GRID2: variants seen among roughly 807,000 people sequenced by gnomAD.
The protein encoded by GRID2 is glutamate ionotropic receptor delta type subunit 2.
In GRID2, 33 loss-of-function variants were observed where a neutral mutation model predicts 114.8. The ratio of observed to expected loss-of-function variants is 0.29; its 90% CI spans 0.22 to 0.38. The LOEUF (loss-of-function observed/expected upper bound fraction) is 0.38. GRID2 is among the 10% of genes least tolerant of loss of function. The pLI, the probability that GRID2 is intolerant of heterozygous loss-of-function variation, is 1.00. For missense variants in GRID2, 1,184 were observed against 1,257.7 expected (o/e 0.94, Z 0.89); for synonymous variants, 505 against 449.9 (o/e 1.12, Z -1.55).
At chr4:92,806,673 C>A (rs1740430239) in intron 2 of GRID2, among the ~76,000 whole-genome samples, 1 of 151,770 alleles carries the variant, frequency 6.6e-6, no homozygotes, top group South Asian at 2.1e-4. Flanking sequence ...ATTATTTGGA[C>A]AACATTTCAT....
rs1733938276 is a variant in GRID2, at chr4:93,769,399, G to T, written c.2550G>T (p.Met850Ile). Residue 850 changes from methionine to isoleucine, a missense_variant, in exon 15 of 16, where the codon ATG becomes ATT. This residue lies in a region of GRID2 where 717 missense variants were observed against 796.9 expected (regional missense o/e 0.90). Coordinates refer to ENST00000282020, the MANE Select transcript of GRID2 (RefSeq NM_001510.4). Reference sequence around the variant, plus strand: ...TTGTCCTCTCCTGCTTCATAGCCATGCTGGAGACGTGGTGGAACAAGAGGA... The same window carrying T: ...TTGTCCTCTCCTGCTTCATAGCCATTCTGGAGACGTGGTGGAACAAGAGGA... ...AGIVLSCFIAMLETWWNKRKG... is the reference protein window; with the variant it reads ...AGIVLSCFIAILETWWNKRKG... The T allele has an allele frequency of 2.5e-6, 4 of 1,613,954 alleles. No homozygotes were observed. The East Asian group carries it at 8.9e-5, about 36-fold the overall frequency.
intron 12 of GRID2, among the ~76,000 whole-genome samples, chr4:93,512,607 G>A (rs1325047853): frequency 6.6e-6 from 1 of 152,132 alleles, no homozygotes; most frequent in African/African-American, 2.4e-5. Flanking sequence ...ATAAGTTGCA[G>A]TTGATATCAG....
At chr4:93,669,559 A>G (rs888849811) in intron 14 of GRID2, among the ~76,000 whole-genome samples, 13 of 152,156 alleles carry the variant, frequency 8.5e-5, no homozygotes, top group African/African-American at 2.9e-4. Context: ...AATGAAACTC[A>G]CTGTAATATA....
Position 93,229,872 on chromosome 4 carries a change from C to T in GRID2, c.1125+5097C>T, listed in dbSNP as rs941560984. On this transcript the variant is annotated intron_variant, in intron 7 of 15. Transcript: ENST00000282020. The stretch of plus-strand genomic sequence containing the variant: ...TATGAATCGGTAGAATAAGTGCCTC[C>T]TCATTTTCATTCTTTTTTTAAAAAT... 3.3e-5 allele frequency among the ~76,000 whole-genome samples: 5 copies of T among 152,050 alleles called. 1 individual carries two copies. Among genetic ancestry groups the T allele is most frequent in the Non-Finnish European group, 7.4e-5 (5 of 67,970 alleles).
In GRID2 at chr4:92,441,492, G is replaced by A. The variant is rs993832815; in HGVS notation, c.88+136748G>A. Among the ~76,000 whole-genome samples, 8 of 152,186 alleles carry A rather than the reference G, an allele frequency of 5.3e-5. No homozygotes were observed. The East Asian group carries it at 1.4e-3, about 26-fold the overall frequency. On this transcript the variant is annotated intron_variant, in intron 1 of 15. Coordinates refer to ENST00000282020, the MANE Select transcript of GRID2 (RefSeq NM_001510.4). ...ATGGATAGTAGAGGCAGGTATTGAGGATAGGAGAGTATATGGGTTTGGCAC... is the reference window on the plus strand; with the variant it reads ...ATGGATAGTAGAGGCAGGTATTGAGAATAGGAGAGTATATGGGTTTGGCAC...
intron 2 of GRID2, among the ~76,000 whole-genome samples, chr4:92,836,672 A>G (rs1742481391): frequency 6.6e-6 from 1 of 152,170 alleles, no homozygotes; most frequent in African/African-American, 2.4e-5. Flanking sequence ...GAGATATTAG[A>G]GCATGTAGGC....
At chr4:93,771,680 A>T (rs1734121278) in intron 15 of GRID2, among the ~76,000 whole-genome samples, 1 of 152,116 alleles carries the variant, frequency 6.6e-6, no homozygotes, top group Non-Finnish European at 1.5e-5. Context: ...TTGGAATGAG[A>T]CGCCCTGAAA....
At chr4:93,222,640 G>A (rs982542100) in intron 6 of GRID2, among the ~76,000 whole-genome samples, 15 of 151,546 alleles carry the variant, frequency 9.9e-5, no homozygotes, top group African/African-American at 3.1e-4. Flanking sequence ...AACAGGCCCC[G>A]GTGTGTGATG....
intron 8 of GRID2, among the ~76,000 whole-genome samples, chr4:93,392,160 T>A (rs996827619): frequency 1.3e-5 from 2 of 152,156 alleles, no homozygotes; most frequent in Non-Finnish European, 2.9e-5. Flanking sequence ...TTATTGTTTT[T>A]TATTTAGGAA....
At chr4:93,682,483 T>C (rs1357196532) in intron 14 of GRID2, among the ~76,000 whole-genome samples, 1 of 152,008 alleles carries the variant, frequency 6.6e-6, no homozygotes, top group Non-Finnish European at 1.5e-5. Context: ...CATGCACATG[T>C]ATGTTTATTG....
chr4:93,662,915 A>C (rs1449331216), intron 14 of GRID2, among the ~76,000 whole-genome samples: 1 of 152,218 alleles, frequency 6.6e-6, no homozygotes, highest in African/African-American at 2.4e-5. Flanking sequence ...AAGTGAGAAG[A>C]CATAGCTTGT....
intron 13 of GRID2, among the ~76,000 whole-genome samples, chr4:93,614,233 C>T (rs1052802951): frequency 6.6e-6 from 1 of 152,226 alleles, no homozygotes; most frequent in Non-Finnish European, 1.5e-5. Context: ...GTGGGATGAA[C>T]CTGGTACCTC....
intron 8 of GRID2, among the ~76,000 whole-genome samples, chr4:93,367,204 G>GT (rs5860328): frequency 0.45 from 59,649 of 132,326 alleles, 13,895 homozygotes; most frequent in East Asian, 0.7. Flanking sequence ...TTTTTTTTAA[G>GT]TTTTTTTTTT....
At chr4:92,587,831 A>G (rs1728520125) in intron 1 of GRID2, among the ~76,000 whole-genome samples, 1 of 152,220 alleles carries the variant, frequency 6.6e-6, no homozygotes, top group South Asian at 2.1e-4. Flanking sequence ...ATGTAATAGT[A>G]AAATGCTTCC....
chr4:93,372,878 G>A (rs1230732891), intron 8 of GRID2, among the ~76,000 whole-genome samples: 1 of 152,076 alleles, frequency 6.6e-6, no homozygotes, highest in East Asian at 1.9e-4. Flanking sequence ...TACAACATAT[G>A]TATCACTCTC....
chr4:93,359,639 G>T (rs748644889), intron 8 of GRID2, among the ~76,000 whole-genome samples: 17 of 150,490 alleles, frequency 1.1e-4, no homozygotes, highest in Non-Finnish European at 2.2e-4. Context: ...TTGATTTTTA[G>T]ATCACAAATA....
chr4:92,842,143 C>T (rs1164989344), intron 2 of GRID2, among the ~76,000 whole-genome samples: 1 of 151,938 alleles, frequency 6.6e-6, no homozygotes, highest in African/African-American at 2.4e-5. Flanking sequence ...GTGATGTAGC[C>T]CAGACTCTCT....
intron 14 of GRID2, among the ~76,000 whole-genome samples, chr4:93,670,230 G>C (rs1724293474): frequency 6.6e-6 from 1 of 152,042 alleles, no homozygotes; most frequent in Admixed American, 6.6e-5. Context: ...ATTCATATCT[G>C]TTCATGTCAA....
chr4:92,704,162 C>T (rs1052809458), intron 2 of GRID2, among the ~76,000 whole-genome samples: 4 of 152,062 alleles, frequency 2.6e-5, no homozygotes, highest in Non-Finnish European at 5.9e-5. Context: ...CCTGTAGTCC[C>T]AGCTACTCAG....
Sources: allele counts gnomAD v4.1 joint callset (sites outside exome capture counted in the v4.1 genomes callset), GRCh38; gene constraint gnomAD v4.1.1; regional missense constraint gnomAD v4.1.1; transcripts MANE v1.5; gene names NCBI Gene and HGNC (gene_info 2026-07-23, HGNC 2026-07-21).